The following COL5A2 variants were observed in gnomAD, a reference collection of about 807,000 sequenced individuals.
The protein encoded by COL5A2 is collagen type V alpha 2 chain, also known as collagen alpha-2(V) chain.
A neutral mutation model predicts 208.2 loss-of-function variants in COL5A2; 23 were observed. The observed-to-expected ratio is 0.11, with a 90% CI of 0.08 to 0.16. The LOEUF is 0.16. Ranked by LOEUF, COL5A2 falls within the 10% of genes least tolerant of loss-of-function variation. The pLI, the probability that COL5A2 is intolerant of heterozygous loss-of-function variation, is 1.00. For missense variants in COL5A2, 1,590 were observed against 1,956.4 expected (o/e 0.81, Z 3.53); for synonymous variants, 625 against 628.5 (o/e 0.99, Z 0.08).
the COL5A2 span, among the ~76,000 whole-genome samples, chr2:189,319,681 G>C: frequency 6.6e-6 from 1 of 152,250 alleles, no homozygotes; most frequent in Non-Finnish European, 1.5e-5. Context: ...CTTGAACTGG[G>C]TGGAGCCCAC....
chr2:189,159,883 A>AAAT (rs987553202), intron 1 of COL5A2, among the ~76,000 whole-genome samples: 5 of 151,686 alleles, frequency 3.3e-5, no homozygotes, highest in African/African-American at 4.8e-5. Context: ...CTGTCTCAAA[A>AAAT]AATAATAATA....
At chr2:189,435,716 T>G in the COL5A2 span, among the ~76,000 whole-genome samples, 1 of 152,218 alleles carries the variant, frequency 6.6e-6, no homozygotes, top group Non-Finnish European at 1.5e-5. Context: ...GGAACACTTT[T>G]ACACTGTTGG....
At chr2:189,379,230 T>C in the COL5A2 span, among the ~76,000 whole-genome samples, 1 of 152,146 alleles carries the variant, frequency 6.6e-6, no homozygotes, top group Non-Finnish European at 1.5e-5. Flanking sequence ...GTCTTTAAAT[T>C]TGCAGGCTTA....
At chr2:189,041,468 C>A (rs59631824) in intron 50 of COL5A2, 118 bp downstream of exon 50, 1 of 805,134 alleles carries the variant, frequency 1.2e-6, no homozygotes, top group African/African-American at 1.7e-5. Flanking sequence ...GTGACTTCTA[C>A]GTTTGTTTTC....
At chr2:189,346,361 G>GAC in the COL5A2 span, among the ~76,000 whole-genome samples, 1 of 152,068 alleles carries the variant, frequency 6.6e-6, no homozygotes, top group Admixed American at 6.6e-5. Context: ...GGAACTCCAG[G>GAC]ATAAGATCCT....
chr2:189,281,103 A>T, the COL5A2 span, among the ~76,000 whole-genome samples: 1 of 152,118 alleles, frequency 6.6e-6, no homozygotes, highest in Non-Finnish European at 1.5e-5. Context: ...CATAAATTTG[A>T]ATATTCATTA....
intron 31 of COL5A2, among the ~76,000 whole-genome samples, chr2:189,060,203 T>C (rs1685997514): frequency 6.6e-6 from 1 of 152,154 alleles, no homozygotes; most frequent in Non-Finnish European, 1.5e-5. Context: ...TCCCTTATTA[T>C]AGCATTTAGA....
chr2:189,054,779 C>A (rs1218280582), intron 35 of COL5A2, among the ~76,000 whole-genome samples: 5 of 149,558 alleles, frequency 3.3e-5, no homozygotes, highest in Non-Finnish European at 7.4e-5. Context: ...GTGATCACAG[C>A]ACATGCATCT....
chr2:189,063,253 A>G lies in COL5A2; in HGVS notation c.1788T>C (p.Asp596=). 1 of 1,614,052 alleles carries G rather than the reference A, an allele frequency of 6.2e-7. No homozygotes were observed. The highest frequency in any genetic ancestry group is 1.1e-5 in the South Asian group (1 of 91,086). ...TGGAGCCTGGAGGACCTGGACGGCC[A>G]TCTTCCCCTGGCGCACCCTATAGAA... ...KLGPLGAPGE[D]GRPGPPGSIG... is the part of the protein sequence containing the mutation. Residue 596 remains aspartate, a synonymous_variant, in exon 27 of 54, where the codon GAT becomes GAC. Coordinates refer to ENST00000374866, the MANE Select transcript of COL5A2 (RefSeq NM_000393.5).
intron 1 of COL5A2, among the ~76,000 whole-genome samples, chr2:189,187,752 C>G (rs376088751): frequency 6.6e-6 from 1 of 151,988 alleles, no homozygotes; most frequent in African/African-American, 2.4e-5. Context: ...GGGCAGATCA[C>G]GAGTCAGGAG....
chr2:189,036,626 C>T lies in COL5A2; in HGVS notation c.4103G>A (p.Arg1368Lys). 6.2e-7 allele frequency: 1 copy of T among 1,612,564 alleles called. No individual in the cohort carries two copies. The highest frequency in any genetic ancestry group is 8.5e-7 in the Non-Finnish European group (1 of 1,178,708). Residue 1368 changes from arginine (R) to lysine (K), a missense_variant, in exon 52 of 54, where the codon AGA becomes AAA. Coordinates refer to ENST00000374866, the MANE Select transcript of COL5A2 (RefSeq NM_000393.5). Reference protein sequence around the residue: ...KPVWYGLDMNRGSQFAYGDHQ... With the variant: ...KPVWYGLDMNKGSQFAYGDHQ... ...AACATATTAAATTACCTGAGACCCT[C>T]TGTTCATATCAAGACCATACCAAAC...
intron 43 of COL5A2, among the ~76,000 whole-genome samples, chr2:189,050,149 C>G (rs1685752918): frequency 6.6e-6 from 1 of 152,154 alleles, no homozygotes; most frequent in African/African-American, 2.4e-5. Flanking sequence ...CCCCTACATT[C>G]ACCTCAAATA....
chr2:189,416,202 C>T, the COL5A2 span, among the ~76,000 whole-genome samples: 3 of 152,138 alleles, frequency 2.0e-5, no homozygotes, highest in Non-Finnish European at 4.4e-5. Flanking sequence ...CCAGCCATCC[C>T]ATTACTGGGT....
intron 1 of COL5A2, among the ~76,000 whole-genome samples, chr2:189,123,874 T>TA (rs1012859527): frequency 4.0e-5 from 6 of 151,794 alleles, no homozygotes; most frequent in Admixed American, 6.6e-5. Flanking sequence ...AGCCAATATT[T>TA]AAAAAAAATA....
chr2:189,321,121 G>C, the COL5A2 span, among the ~76,000 whole-genome samples: 1 of 152,222 alleles, frequency 6.6e-6, no homozygotes, highest in Non-Finnish European at 1.5e-5. Context: ...AATGCTGAGA[G>C]ATTTTATCAC....
At chr2:189,179,985 A>T, upstream of COL5A2, 1 of 427,908 alleles carries the variant, frequency 2.3e-6, no homozygotes, top group Non-Finnish European at 4.1e-6. Flanking sequence ...AGAAACAAAC[A>T]TTTGTTTCTC....
At chr2:189,401,778 T>A in the COL5A2 span, among the ~76,000 whole-genome samples, 13,906 of 152,184 alleles carry the variant, frequency 0.091, 1,423 homozygotes, top group African/African-American at 0.24. Flanking sequence ...TGGGGTTAGG[T>A]GGTATCTCAC....
At chr2:189,166,202 T>G (rs750818305) in intron 1 of COL5A2, among the ~76,000 whole-genome samples, 7 of 152,148 alleles carry the variant, frequency 4.6e-5, no homozygotes, top group African/African-American at 1.7e-4. Flanking sequence ...AGAGCCCTTC[T>G]TCCCAGGCTC....
At chr2:189,405,148 A>G in the COL5A2 span, among the ~76,000 whole-genome samples, 4 of 152,202 alleles carry the variant, frequency 2.6e-5, no homozygotes, top group African/African-American at 9.7e-5. Flanking sequence ...TGCTAACTGG[A>G]AAAATATTAG....
Sources: gnomAD v4.1 joint callset for allele counts (sites outside exome capture counted in the v4.1 genomes callset) on GRCh38, gnomAD v4.1.1 for gene constraint, MANE v1.5 for transcripts, NCBI Gene and HGNC (gene_info 2026-07-23, HGNC 2026-07-21) for gene names.